The following IL4I1 variants were observed in gnomAD, a reference collection of about 807,000 sequenced individuals.
IL4I1 encodes interleukin 4 induced 1, also known as L-amino-acid oxidase.
Under a neutral mutation model 29.7 loss-of-function variants are expected in IL4I1, and 24 were observed. That is an observed-to-expected ratio of 0.81 (90% CI 0.59 to 1.14). The LOEUF is 1.14. Among genes scored for constraint, IL4I1 ranks in the 50% most tolerant of loss-of-function variants. The pLI, the probability that IL4I1 is intolerant of heterozygous loss-of-function variation, is 0.00. For missense variants in IL4I1, 686 were observed against 785.6 expected, an observed-to-expected ratio of 0.87 and a Z score of 1.52; for synonymous variants, 371 against 352.5, an observed-to-expected ratio of 1.05 and a Z score of -0.59.
At chr19:49,896,127 G>GC (rs546014086) in intron 2 of IL4I1, 21 bp downstream of exon 2, 749,231 of 1,561,398 alleles carry the variant, frequency 0.48, 183,299 homozygotes, top group African/African-American at 0.67. Flanking sequence ...TTGTTCCAGA[G>GC]CCCCTCCCCT....
intron 2 of IL4I1, among the ~76,000 whole-genome samples, chr19:49,905,275 A>G (rs1385952000): frequency 6.6e-6 from 1 of 152,258 alleles, no homozygotes; most frequent in African/African-American, 2.4e-5. Flanking sequence ...GCCCCTGCCA[A>G]CGACCTTGTG....
chr19:49,908,985 CAGCGGT>C, intron 2 of IL4I1: 1 of 1,609,246 alleles, frequency 6.2e-7, no homozygotes, highest in Non-Finnish European at 8.5e-7. Flanking sequence ...GTGGCGGTGG[CAGCGGT>C]GGATGTTGTT....
At chr19:49,916,708 A>G (rs989399634) in intron 2 of IL4I1, among the ~76,000 whole-genome samples, 2 of 150,778 alleles carry the variant, frequency 1.3e-5, no homozygotes, top group East Asian at 2.0e-4. Flanking sequence ...AGCTTGCAGT[A>G]AGCCGAGATC....
chr19:49,908,404 A>G (rs751148161), intron 2 of IL4I1: 11 of 1,614,184 alleles, frequency 6.8e-6, no homozygotes, highest in Non-Finnish European at 9.3e-6. Context: ...GCAGTGGGTC[A>G]CTGGTGTCGG....
At chr19:49,906,824 G>C (rs1427664551) in intron 2 of IL4I1, 1 of 152,190 alleles carries the variant, frequency 6.6e-6, no homozygotes, top group African/African-American at 2.4e-5. Flanking sequence ...AACAGCAGCT[G>C]TTTTGGTTTC....
At position 49,921,716 on chromosome 19, in the gene IL4I1, G is replaced by A. The variant is rs1019731341; in HGVS notation, c.-228+5978C>T. ...GGCACCTAGGGAGCCTAGGGGTCCC[G>A]TGAGGCCCTCCCACCATGGTTCCCC... is the stretch of plus-strand genomic sequence containing the variant. On this transcript the variant is annotated intron_variant, in intron 2 of 9. Transcript: ENST00000341114. The surrounding 1 kb of genome is among the most constrained non-coding windows in gnomAD (Gnocchi z 5.4). Among the ~76,000 whole-genome samples, 1 of 152,112 alleles carries A rather than the reference G, an allele frequency of 6.6e-6. No individual in the cohort carries two copies. The highest frequency in any genetic ancestry group is 1.5e-5 in the Non-Finnish European group (1 of 67,994).
chr19:49,908,029 C>T (rs1439201796), intron 2 of IL4I1: 2 of 1,069,698 alleles, frequency 1.9e-6, no homozygotes, highest in East Asian at 5.3e-5. Context: ...CCACAGAAGC[C>T]ACACCCATGA....
intron 7 of IL4I1, 42 bp downstream of exon 7, chr19:49,890,929 G>GT: frequency 4.4e-6 from 2 of 454,450 alleles, no homozygotes; most frequent in South Asian, 6.9e-5. Flanking sequence ...TTCCCTGATT[G>GT]CCCCCCGCCC....
At chr19:49,896,512 G>A (rs923950953) in intron 1 of IL4I1, among the ~76,000 whole-genome samples, 2 of 151,446 alleles carry the variant, frequency 1.3e-5, no homozygotes, top group African/African-American at 2.4e-5. Flanking sequence ...TTGGCTCACT[G>A]CAACCTCCGC....
chr19:49,920,945 C>T (rs1262744002), intron 2 of IL4I1, among the ~76,000 whole-genome samples: 1 of 152,152 alleles, frequency 6.6e-6, no homozygotes, highest in African/African-American at 2.4e-5. Flanking sequence ...GGGAAGGGCC[C>T]AGGCCGGGCT....
At chr19:49,923,761 C>T (rs949054451) in intron 2 of IL4I1, among the ~76,000 whole-genome samples, 9 of 152,244 alleles carry the variant, frequency 5.9e-5, no homozygotes, top group African/African-American at 2.2e-4. Flanking sequence ...GAAACTGAGT[C>T]ATAGAAAGAG....
intron 6 of IL4I1, 54 bp downstream of exon 6, chr19:49,891,351 C>T (rs774330871): frequency 8.1e-5 from 128 of 1,581,022 alleles, no homozygotes; most frequent in Non-Finnish European, 1.0e-4. Flanking sequence ...TGGGGAAGGC[C>T]TCATGGTCAC....
chr19:49,925,896 C>T (rs2075874818), intron 2 of IL4I1, among the ~76,000 whole-genome samples: 1 of 152,178 alleles, frequency 6.6e-6, no homozygotes, highest in Admixed American at 6.5e-5. Flanking sequence ...TACAATTATT[C>T]CAAAATAAAA....
chr19:49,890,517 G>C lies in IL4I1; in HGVS notation c.857C>G (p.Pro286Arg). 1.2e-6 allele frequency: 2 copies of C among 1,610,006 alleles called. No individual in the cohort carries two copies. Among genetic ancestry groups the C allele is most frequent in the Non-Finnish European group, 1.7e-6 (2 of 1,179,516 alleles). Residue 286 changes from proline to arginine, a missense_variant, in exon 8 of 8, where the codon CCC becomes CGC. Transcript: ENST00000391826. ...SLSGLVLLNAPVVAMTQGPHD... is the reference protein window; with the variant it reads ...SLSGLVLLNARVVAMTQGPHD... The stretch of plus-strand genomic sequence containing the variant: ...CGGTCCCTGGGTCATCGCCACCACG[G>C]GCGCGTTCAACAGCACAAGCCCGGA...
chr19:49,890,118 G>T lies in IL4I1; in HGVS notation c.1256C>A (p.Ala419Glu). The T allele has an allele frequency of 6.5e-7, 1 of 1,543,448 alleles. No individual in the cohort carries two copies. The highest frequency in any genetic ancestry group is 8.7e-7 in the Non-Finnish European group (1 of 1,145,228). The change falls in exon 8 of 8, where the codon GCG (alanine) becomes GAG (glutamate). Residue 419 changes from alanine to glutamate, a missense_variant. Transcript: ENST00000391826. The part of the protein sequence containing the change: ...GLSREEALRL[A>E]LDDVAALHGP... ...GTGCAATGCCGCCACGTCGTCGAGC[G>T]CCAAGCGCAACGCCTCTTCCCGGCT...
At chr19:49,927,140 C>T (rs981891692) in intron 2 of IL4I1, among the ~76,000 whole-genome samples, 2 of 152,282 alleles carry the variant, frequency 1.3e-5, no homozygotes, top group East Asian at 3.9e-4. Flanking sequence ...GGACTACAGG[C>T]ATGAGCCACC....
intron 2 of IL4I1, among the ~76,000 whole-genome samples, chr19:49,904,963 G>T (rs761858431): frequency 2.0e-5 from 3 of 152,024 alleles, no homozygotes; most frequent in Non-Finnish European, 4.4e-5. Context: ...GCCCACCTTG[G>T]CCTCCCAAAG....
intron 5 of IL4I1, 77 bp from the exon 6 acceptor site, chr19:49,891,550 G>C: frequency 1.5e-6 from 2 of 1,312,398 alleles, no homozygotes; most frequent in Non-Finnish European, 2.2e-6. Flanking sequence ...GCCCACACTC[G>C]GCTTCTCCTC....
chr19:49,918,902 GGGGGGGCGGGGTGT>G lies in IL4I1; in HGVS notation c.-228+8778_-228+8791del, dbSNP rs1326267338. ...CCCAGCACTTTGGGAGGCTGGGGGGGGGGGGGCGGGGTGTGGGGGGGCGGATCACCTGAGGTCGG... is the reference window on the plus strand; with the variant it reads ...CCCAGCACTTTGGGAGGCTGGGGGGGGGGGGGGCGGATCACCTGAGGTCGG... On this transcript the variant is annotated intron_variant, in intron 2 of 9. Transcript: ENST00000341114. 3.3e-5 allele frequency among the ~76,000 whole-genome samples: 5 copies of G among 149,358 alleles called. No individual in the cohort carries two copies. The South Asian group carries it at 1.2e-3, about 36-fold the overall frequency.
Sources: allele counts gnomAD v4.1 joint callset (sites outside exome capture counted in the v4.1 genomes callset), GRCh38; gene constraint gnomAD v4.1.1; non-coding constraint Gnocchi (gnomAD v3.1); transcripts MANE v1.5; gene names NCBI Gene and HGNC (gene_info 2026-07-23, HGNC 2026-07-21).